The following CCDC57 variants were observed in gnomAD, a reference collection of about 807,000 sequenced individuals.
CCDC57 encodes the protein coiled-coil domain containing 57.
CCDC57 carries 118 observed loss-of-function variants against 118.9 expected under a neutral mutation model. The observed-to-expected ratio is 0.99, with a 90% CI of 0.86 to 1.16. The LOEUF is 1.16. Among genes scored for constraint, CCDC57 ranks in the 50% most tolerant of loss-of-function variants. The probability of loss-of-function intolerance (pLI) is 0.00; values close to 1 mark genes in which losing one functional copy is unlikely to be tolerated. For synonymous variants in CCDC57, 527 were observed against 532.9 expected (o/e 0.99, Z 0.15); for missense variants, 1,300 against 1,320.7 (o/e 0.98, Z 0.24).
intron 19 of CCDC57, chr17:82,107,764 G>A (rs556095906): frequency 2.4e-5 from 9 of 374,940 alleles, no homozygotes; most frequent in East Asian, 2.2e-4. Context: ...GTCGTGGACC[G>A]GCGTCCACCT....
At chr17:82,211,103 G>C (rs757126724) in intron 1 of CCDC57, among the ~76,000 whole-genome samples, 27 of 151,978 alleles carry the variant, frequency 1.8e-4, no homozygotes, top group Admixed American at 2.0e-4. Flanking sequence ...ATTTACAAAG[G>C]GAAGGACCCT....
At chr17:82,127,575 C>T in intron 19 of CCDC57, 117 bp downstream of exon 18, 1 of 1,456,694 alleles carries the variant, frequency 6.9e-7, no homozygotes. Context: ...AACCAAAGTG[C>T]AGGGATTTCA....
chr17:82,144,871 G>A (rs538903672), intron 16 of CCDC57, among the ~76,000 whole-genome samples: 4 of 152,166 alleles, frequency 2.6e-5, no homozygotes, highest in African/African-American at 9.6e-5. Flanking sequence ...TAAAGACTCA[G>A]CAGGAAAATG....
At chr17:82,193,149 C>A (rs1432406641) in intron 7 of CCDC57, among the ~76,000 whole-genome samples, 2 of 152,162 alleles carry the variant, frequency 1.3e-5, no homozygotes, top group African/African-American at 2.4e-5. Flanking sequence ...GCCTCAATCT[C>A]CCAGGCTCAC....
chr17:82,191,381 G>A (rs1413030648), intron 7 of CCDC57, among the ~76,000 whole-genome samples: 1 of 152,170 alleles, frequency 6.6e-6, no homozygotes, highest in African/African-American at 2.4e-5. Flanking sequence ...ACGTGGAACT[G>A]TCTATGACGT....
chr17:82,186,968 G>A (rs943508906), intron 8 of CCDC57, among the ~76,000 whole-genome samples: 13 of 151,914 alleles, frequency 8.6e-5, no homozygotes, highest in African/African-American at 1.2e-4. Flanking sequence ...GCCGGGGGCG[G>A]TGGCTCACAC....
chr17:82,115,614 A>G (rs1202667600), intron 19 of CCDC57, among the ~76,000 whole-genome samples: 1 of 151,608 alleles, frequency 6.6e-6, no homozygotes, highest in Non-Finnish European at 1.5e-5. Context: ...GTACAAAAAA[A>G]GTTTTTAAAA....
chr17:82,151,921 A>G, intron 15 of CCDC57, 148 bp from the exon 15 acceptor site: 1 of 651,040 alleles, frequency 1.5e-6, no homozygotes. Flanking sequence ...AAAGAAAGAC[A>G]AAAAGAGTCG....
At chr17:82,208,954 G>A (rs566534736) in intron 1 of CCDC57, among the ~76,000 whole-genome samples, 4 of 152,010 alleles carry the variant, frequency 2.6e-5, no homozygotes, top group East Asian at 1.9e-4. Context: ...CTGCAGCCTC[G>A]AATGCCCATC....
intron 2 of CCDC57, among the ~76,000 whole-genome samples, chr17:82,204,742 C>T (rs937994430): frequency 1.3e-5 from 2 of 152,050 alleles, no homozygotes; most frequent in African/African-American, 4.8e-5. Flanking sequence ...GAGATCGCAC[C>T]ACTGCAGTCC....
intron 14 of CCDC57, among the ~76,000 whole-genome samples, chr17:82,159,476 A>G (rs1193013962): frequency 2.0e-5 from 3 of 152,084 alleles, no homozygotes; most frequent in Admixed American, 2.0e-4. Context: ...ACAGAAATGG[A>G]AAAGTGGCCA....
Position 82,172,374 on chromosome 17 carries a change from A to C in CCDC57, c.1729+264T>G, listed in dbSNP as rs1414797807. On this transcript the variant is annotated intron_variant, in intron 12 of 19. Transcript: ENST00000665763. The surrounding 1 kb of genome is among the most constrained non-coding windows in gnomAD (Gnocchi z 5.2). ...AAGCCAGCCCTGGTCCAGGTCTAAAACAGGTTTTTAAGTGTGTCAAGCAGG... is the reference window on the plus strand; with the variant it reads ...AAGCCAGCCCTGGTCCAGGTCTAAACCAGGTTTTTAAGTGTGTCAAGCAGG... Among the ~76,000 whole-genome samples, 2 of 152,144 alleles carry C rather than the reference A, an allele frequency of 1.3e-5. No individual in the cohort carries two copies. The highest frequency in any genetic ancestry group is 2.9e-5 in the Non-Finnish European group (2 of 68,018).
At chr17:82,182,084 C>T (rs2046277621) in intron 9 of CCDC57, among the ~76,000 whole-genome samples, 1 of 151,886 alleles carries the variant, frequency 6.6e-6, no homozygotes, top group East Asian at 1.9e-4. Context: ...CGCCACTGCA[C>T]TCCAGCCTGG....
chr17:82,180,633 G>A (rs1407786287), intron 9 of CCDC57, among the ~76,000 whole-genome samples: 1 of 152,052 alleles, frequency 6.6e-6, no homozygotes, highest in Non-Finnish European at 1.5e-5. Flanking sequence ...ATACCACCAC[G>A]CCTAGCTAAT....
intron 9 of CCDC57, among the ~76,000 whole-genome samples, chr17:82,179,818 C>A (rs1014600504): frequency 6.6e-6 from 1 of 152,204 alleles, no homozygotes; most frequent in Non-Finnish European, 1.5e-5. Context: ...AGAGATCCCA[C>A]ACGCACACAG....
chr17:82,180,348 A>C (rs1185229845), intron 9 of CCDC57, among the ~76,000 whole-genome samples: 2 of 152,242 alleles, frequency 1.3e-5, no homozygotes, highest in Non-Finnish European at 2.9e-5. Context: ...AGAGACCCTG[A>C]GCCGGGAATG....
At chr17:82,168,332 C>T (rs8078634) in intron 13 of CCDC57, among the ~76,000 whole-genome samples, 67,394 of 151,994 alleles carry the variant, frequency 0.44, 15,922 homozygotes, top group East Asian at 0.88. Context: ...CAGTGGCTCA[C>T]GCCTGTAATT....
At chr17:82,141,957 C>A (rs185303612) in intron 16 of CCDC57, among the ~76,000 whole-genome samples, 1 of 152,122 alleles carries the variant, frequency 6.6e-6, no homozygotes, top group Non-Finnish European at 1.5e-5. Context: ...GATAGGCATG[C>A]GGATTCTGCC....
intron 13 of CCDC57, among the ~76,000 whole-genome samples, chr17:82,165,639 G>A (rs968624667): frequency 4.6e-5 from 7 of 152,182 alleles, no homozygotes; most frequent in African/African-American, 1.4e-4. Flanking sequence ...GGGCTTCTGG[G>A]AGAGCATGTG....
Sources: allele counts gnomAD v4.1 joint callset (sites outside exome capture counted in the v4.1 genomes callset), GRCh38; gene constraint gnomAD v4.1.1; non-coding constraint Gnocchi (gnomAD v3.1); transcripts MANE v1.5; gene names NCBI Gene and HGNC (gene_info 2026-07-23, HGNC 2026-07-21).